CDH12: variants seen among roughly 807,000 people sequenced by gnomAD.
CDH12 encodes cadherin 12.
A neutral mutation model predicts 74.1 loss-of-function variants in CDH12; 41 were observed. That is an observed-to-expected ratio of 0.55 (90% CI 0.43 to 0.72). The LOEUF (loss-of-function observed/expected upper bound fraction) is 0.72. Among genes scored for constraint, CDH12 ranks in the 30% least tolerant of loss-of-function variants. CDH12 has a pLI of 0.00. For synonymous variants in CDH12, 399 were observed against 355.0 expected, an observed-to-expected ratio of 1.12 and a Z score of -1.39; for missense variants, 945 against 977.2, an observed-to-expected ratio of 0.97 and a Z score of 0.44.
chr5:22,365,971 GT>G (rs1324435835), intron 3 of CDH12, among the ~76,000 whole-genome samples: 1 of 151,952 alleles, frequency 6.6e-6, no homozygotes, highest in African/African-American at 2.4e-5. Flanking sequence ...GTTTTGTTTT[GT>G]TTTTGAGACT....
chr5:22,074,691 C>G (rs540652962), intron 5 of CDH12, among the ~76,000 whole-genome samples: 1 of 152,090 alleles, frequency 6.6e-6, no homozygotes, highest in African/African-American at 2.4e-5. Context: ...TTTATGCAGC[C>G]AAAAGACACA....
intron 1 of CDH12, among the ~76,000 whole-genome samples, chr5:22,622,629 T>C (rs1375426175): frequency 2.6e-5 from 4 of 152,158 alleles, no homozygotes; most frequent in Non-Finnish European, 5.9e-5. Flanking sequence ...CAGGAAGAAG[T>C]TGAATCCCTG....
intron 3 of CDH12, among the ~76,000 whole-genome samples, chr5:22,318,850 C>T (rs1738741332): frequency 6.6e-6 from 1 of 152,000 alleles, no homozygotes; most frequent in African/African-American, 2.4e-5. Flanking sequence ...GCTTGTGTAA[C>T]CCGATCATTA....
chr5:22,626,023 C>A (rs754463880), intron 1 of CDH12, among the ~76,000 whole-genome samples: 1 of 152,054 alleles, frequency 6.6e-6, no homozygotes, highest in South Asian at 2.1e-4. Flanking sequence ...CAGTGCATGC[C>A]GCCATCCAGA....
chr5:21,770,516 C>T (rs568677711), intron 11 of CDH12, among the ~76,000 whole-genome samples: 115 of 151,094 alleles, frequency 7.6e-4, no homozygotes, highest in Middle Eastern at 3.5e-3. Flanking sequence ...CCCCACTACT[C>T]GGGAGGCAGG....
chr5:22,323,904 C>G (rs995661180), intron 3 of CDH12, among the ~76,000 whole-genome samples: 2 of 152,106 alleles, frequency 1.3e-5, no homozygotes, highest in South Asian at 2.1e-4. Context: ...ATTTCTTCAT[C>G]TGTAAATCTG....
At chr5:22,231,257 A>G (rs6452069) in intron 3 of CDH12, among the ~76,000 whole-genome samples, 3 of 151,966 alleles carry the variant, frequency 2.0e-5, no homozygotes, top group Non-Finnish European at 2.9e-5. Flanking sequence ...TAAATTAGAC[A>G]AAGGATTTTG....
intron 1 of CDH12, among the ~76,000 whole-genome samples, chr5:22,762,655 C>T (rs1280336921): frequency 6.6e-6 from 1 of 152,014 alleles, no homozygotes; most frequent in South Asian, 2.1e-4. Context: ...TTGACTTAAT[C>T]ATTTGTTTCA....
chr5:22,331,078 G>C (rs1336000488), intron 3 of CDH12, among the ~76,000 whole-genome samples: 1 of 152,122 alleles, frequency 6.6e-6, no homozygotes, highest in Non-Finnish European at 1.5e-5. Context: ...CTGTGGAAAG[G>C]GGAAAAAATA....
chr5:22,720,721 T>C (rs1743836726), intron 1 of CDH12, among the ~76,000 whole-genome samples: 1 of 152,104 alleles, frequency 6.6e-6, no homozygotes, highest in South Asian at 2.1e-4. Context: ...CAAAATGCTG[T>C]TAGTGATATG....
intron 5 of CDH12, among the ~76,000 whole-genome samples, chr5:22,042,124 A>G (rs1421989168): frequency 1.3e-5 from 2 of 152,146 alleles, no homozygotes; most frequent in African/African-American, 2.4e-5. Context: ...TGGAACGACA[A>G]TATACCAAAA....
chr5:22,802,350 G>A (rs1031518264), intron 1 of CDH12, among the ~76,000 whole-genome samples: 8 of 152,076 alleles, frequency 5.3e-5, no homozygotes, highest in African/African-American at 1.9e-4. Context: ...TCCATCTCCT[G>A]ACCTTGTGAT....
chr5:21,845,132 G>C (rs1049377241), intron 7 of CDH12, among the ~76,000 whole-genome samples: 1 of 152,204 alleles, frequency 6.6e-6, no homozygotes, highest in Non-Finnish European at 1.5e-5. Context: ...CTAAGGTATA[G>C]GTGACAGAAG....
intron 3 of CDH12, among the ~76,000 whole-genome samples, chr5:22,272,483 C>A (rs1736441385): frequency 6.6e-6 from 1 of 152,148 alleles, no homozygotes; most frequent in African/African-American, 2.4e-5. Flanking sequence ...AGGAAATTTT[C>A]TTTTGAATTC....
At chr5:22,131,908 C>T (rs1308769845) in intron 4 of CDH12, among the ~76,000 whole-genome samples, 1 of 152,018 alleles carries the variant, frequency 6.6e-6, no homozygotes, top group African/African-American at 2.4e-5. Flanking sequence ...CTGTAATGTG[C>T]CCCCTTTTTC....
rs145050145 is a variant in CDH12, at chr5:22,416,010, G to C, written c.-427-10659C>G. Among the ~76,000 whole-genome samples, 1,268 of 137,230 alleles carry C rather than the reference G, an allele frequency of 9.2e-3. 18 individuals are homozygous for C. Among genetic ancestry groups the C allele is most frequent in the African/African-American group, 0.033 (1,217 of 37,188 alleles). The allele number at this position is 137,230 out of a possible 152,430, so 90.0% of individuals were successfully genotyped here. The stretch of plus-strand genomic sequence containing the variant: ...AGTTGTGGAAAAAATGGTAAAAACT[G>C]TTCCCTGTTTTAAATTGAAATATAA... On this transcript the variant is annotated intron_variant, in intron 2 of 14. Coordinates refer to ENST00000382254, the MANE Select transcript of CDH12 (RefSeq NM_004061.5).
chr5:22,006,525 T>C (rs903679748), intron 5 of CDH12, among the ~76,000 whole-genome samples: 5 of 152,048 alleles, frequency 3.3e-5, no homozygotes, highest in Non-Finnish European at 5.9e-5. Flanking sequence ...TATTTAGAAA[T>C]TATATAATAG....
intron 6 of CDH12, among the ~76,000 whole-genome samples, chr5:21,867,990 C>T (rs981276617): frequency 1.3e-5 from 2 of 152,244 alleles, no homozygotes; most frequent in Non-Finnish European, 2.9e-5. Flanking sequence ...ATACTGTTCT[C>T]GTGGTAGTGA....
intron 5 of CDH12, among the ~76,000 whole-genome samples, chr5:22,028,831 T>C (rs1738584585): frequency 6.6e-6 from 1 of 152,170 alleles, no homozygotes. Flanking sequence ...AGAACAAAGC[T>C]GGAGGCATCA....
Sources: allele counts gnomAD v4.1 joint callset (sites outside exome capture counted in the v4.1 genomes callset), GRCh38; gene constraint gnomAD v4.1.1; transcripts MANE v1.5; gene names NCBI Gene and HGNC (gene_info 2026-07-23, HGNC 2026-07-21).